Variants in OSBPL9 observed in about 807,000 individuals in gnomAD.
The protein encoded by OSBPL9 is oxysterol binding protein like 9.
Under a neutral mutation model 106.6 loss-of-function variants are expected in OSBPL9, and 40 were observed. The observed-to-expected ratio is 0.38, with a 90% CI of 0.29 to 0.49. OSBPL9 has a LOEUF of 0.49. Ranked by LOEUF, OSBPL9 falls within the 20% of genes least tolerant of loss-of-function variation. OSBPL9 has a pLI of 0.97. For synonymous variants in OSBPL9, 269 were observed against 295.4 expected (o/e 0.91, Z 0.92); for missense variants, 609 against 887.2 (o/e 0.69, Z 3.98).
chr1:51,630,003 C>A (rs1289100293), intron 1 of OSBPL9, among the ~76,000 whole-genome samples: 1 of 151,848 alleles, frequency 6.6e-6, no homozygotes, highest in Non-Finnish European at 1.5e-5. Flanking sequence ...GAGTGATTAC[C>A]CCAACCCCCT....
intron 1 of OSBPL9, among the ~76,000 whole-genome samples, chr1:51,587,271 G>T (rs984700811): frequency 6.6e-6 from 1 of 152,134 alleles, no homozygotes; most frequent in African/African-American, 2.4e-5. Flanking sequence ...AGGCTGAGGT[G>T]GGAGAATTGT....
chr1:51,550,246 G>C, the OSBPL9 span, among the ~76,000 whole-genome samples: 1 of 152,202 alleles, frequency 6.6e-6, no homozygotes, highest in Non-Finnish European at 1.5e-5. Flanking sequence ...AGAGCTACAA[G>C]AATGTGCATG....
rs181244582 is a variant in OSBPL9, at chr1:51,749,007, C to A, written c.492+609C>A. ...GGCTGAGACAGGAGAATCGCTTGAACTGGGGAGGCAGAAGTTGCAGTGAGT... is the reference window on the plus strand; with the variant it reads ...GGCTGAGACAGGAGAATCGCTTGAAATGGGGAGGCAGAAGTTGCAGTGAGT... On this transcript the variant is annotated intron_variant, in intron 7 of 23. Transcript: ENST00000428468. Among the ~76,000 whole-genome samples the A allele has an allele frequency of 2.0e-5, 3 of 152,016 alleles. No homozygotes were observed. In the South Asian group the frequency reaches 6.2e-4, roughly 32 times the overall value.
At chr1:51,609,843 G>C (rs995192661) in intron 2 of OSBPL9, among the ~76,000 whole-genome samples, 1 of 151,650 alleles carries the variant, frequency 6.6e-6, no homozygotes, top group Admixed American at 6.6e-5. Context: ...CACCTCCTGG[G>C]TTCAAGCGAT....
At chr1:51,646,296 G>GT (rs1328303162) in intron 1 of OSBPL9, among the ~76,000 whole-genome samples, 2 of 151,968 alleles carry the variant, frequency 1.3e-5, no homozygotes, top group Admixed American at 1.3e-4. Flanking sequence ...ATTTCCTTGT[G>GT]TTGTTTTGTA....
chr1:51,750,310 A>T lies in OSBPL9; in HGVS notation c.543+115A>T. 3.2e-6 allele frequency: 2 copies of T among 629,404 alleles called. 1 individual carries two copies. Among genetic ancestry groups the T allele is most frequent in the Non-Finnish European group, 5.5e-6 (2 of 366,754 alleles). The allele number at this position is 629,404 out of a possible 1,614,324, so 39.0% of individuals were successfully genotyped here. ...GAAACATAGTACCTTTCTACATTAA[A>T]CTGTATTGTGAGCTTATTCTATGGA... On this transcript the variant is annotated intron_variant, in intron 8 of 23. Transcript: ENST00000428468.
intron 10 of OSBPL9, 97 bp from the exon 11 acceptor site, chr1:51,761,770 T>A (rs1041556383): frequency 3.3e-6 from 3 of 919,552 alleles, no homozygotes; most frequent in Middle Eastern, 3.0e-4. Context: ...TTTCAAAAAT[T>A]ACTGGCCTTT....
chr1:51,621,164 GA>G, intron 1 of OSBPL9, among the ~76,000 whole-genome samples: 1 of 152,134 alleles, frequency 6.6e-6, no homozygotes, highest in African/African-American at 2.4e-5. Context: ...CTCCTCTATT[GA>G]ATTATTTTTA....
At chr1:51,702,150 A>T (rs1381603276) in intron 3 of OSBPL9, among the ~76,000 whole-genome samples, 9 of 152,102 alleles carry the variant, frequency 5.9e-5, no homozygotes, top group East Asian at 3.9e-4. Flanking sequence ...TATAATCCTT[A>T]GGGTATATAC....
At chr1:51,626,535 C>T (rs572253411) in intron 1 of OSBPL9, among the ~76,000 whole-genome samples, 78 of 152,068 alleles carry the variant, frequency 5.1e-4, no homozygotes, top group African/African-American at 1.7e-3. Context: ...CCCTTACAAC[C>T]AGATCTCACT....
chr1:51,771,963 T>C, intron 12 of OSBPL9, 107 bp from the exon 13 acceptor site: 1 of 731,594 alleles, frequency 1.4e-6, no homozygotes, highest in Non-Finnish European at 2.2e-6. Flanking sequence ...AAGAGAATTC[T>C]AAAGCATATA....
At chr1:51,767,599 C>G (rs1187831415) in intron 12 of OSBPL9, among the ~76,000 whole-genome samples, 2 of 151,978 alleles carry the variant, frequency 1.3e-5, no homozygotes, top group Non-Finnish European at 2.9e-5. Flanking sequence ...AATTTGCAAG[C>G]CAATTACCTT....
chr1:51,629,621 CA>C (rs1644984531), intron 1 of OSBPL9, among the ~76,000 whole-genome samples: 1 of 152,194 alleles, frequency 6.6e-6, no homozygotes, highest in South Asian at 2.1e-4. Context: ...ATGCAACTGA[CA>C]AAAGGCAGAT....
rs983725319 is a variant in OSBPL9, at chr1:51,756,218, CATT to C, written c.544-97_544-95del. The C allele has an allele frequency of 9.5e-6, 9 of 944,868 alleles. 1 individual carries two copies. The highest frequency in any genetic ancestry group is 8.4e-5 in the Admixed American group (4 of 47,830). 58.5% of individuals were successfully genotyped at this position (944,868 alleles called of 1,614,324 possible). On this transcript the variant is annotated intron_variant, in intron 8 of 23. Coordinates refer to ENST00000428468, the MANE Select transcript of OSBPL9 (RefSeq NM_024586.6). Reference sequence around the variant, plus strand: ...TGGAGGCAGATAAATCATGTTCTAACATTATTACTTACCTAGTAAATAAGCTTT... The same window carrying C: ...TGGAGGCAGATAAATCATGTTCTAACATTACTTACCTAGTAAATAAGCTTT...
chr1:51,683,243 C>T (rs1268172858), intron 3 of OSBPL9, among the ~76,000 whole-genome samples: 9 of 151,698 alleles, frequency 5.9e-5, no homozygotes, highest in Non-Finnish European at 1.3e-4. Flanking sequence ...TGCAATGGTG[C>T]GATCTCGGCT....
chr1:51,600,839 C>T (rs925355985), intron 2 of OSBPL9, among the ~76,000 whole-genome samples: 1 of 152,146 alleles, frequency 6.6e-6, no homozygotes, highest in Non-Finnish European at 1.5e-5. Flanking sequence ...AAATTACTAA[C>T]ATAGTGTCAG....
chr1:51,763,485 C>T (rs1360190317), intron 11 of OSBPL9, among the ~76,000 whole-genome samples: 1 of 152,186 alleles, frequency 6.6e-6, no homozygotes, highest in East Asian at 1.9e-4. Context: ...AACCTGGAAA[C>T]CAAAACCAAA....
intron 6 of OSBPL9, among the ~76,000 whole-genome samples, chr1:51,746,997 T>C (rs1249725185): frequency 6.6e-6 from 1 of 152,210 alleles, no homozygotes. Context: ...TTTGAGATAG[T>C]CTTGCTCTGT....
At chr1:51,671,327 G>C (rs1430078885) in intron 3 of OSBPL9, among the ~76,000 whole-genome samples, 2 of 152,042 alleles carry the variant, frequency 1.3e-5, no homozygotes, top group Non-Finnish European at 2.9e-5. Flanking sequence ...TTAAATTCTT[G>C]ATTAGAATTG....
Sources: gnomAD v4.1 joint callset for allele counts (sites outside exome capture counted in the v4.1 genomes callset) on GRCh38, gnomAD v4.1.1 for gene constraint, MANE v1.5 for transcripts, NCBI Gene and HGNC (gene_info 2026-07-23, HGNC 2026-07-21) for gene names.